Variants in MAML3 observed in about 807,000 individuals in gnomAD.
MAML3 encodes the protein mastermind like transcriptional coactivator 3, also known as mastermind-like protein 3.
A neutral mutation model predicts 101.9 loss-of-function variants in MAML3; 27 were observed. The observed-to-expected ratio is 0.27, with a 90% confidence interval of 0.20 to 0.37. The LOEUF (loss-of-function observed/expected upper bound fraction) is 0.37. MAML3 is among the 10% of genes least tolerant of loss of function. MAML3 has a pLI of 1.00. For missense variants in MAML3, 1,316 were observed against 1,444.9 expected (o/e 0.91, Z 1.45); for synonymous variants, 501 against 555.9 (o/e 0.90, Z 1.39).
At chr4:140,093,423 T>TG (rs1728096330) in intron 1 of MAML3, among the ~76,000 whole-genome samples, 1 of 148,576 alleles carries the variant, frequency 6.7e-6, no homozygotes, top group African/African-American at 2.5e-5. Context: ...TTTGTTTTTT[T>TG]TTTTTTTTTT....
At chr4:140,059,411 A>G (rs554037604) in intron 1 of MAML3, among the ~76,000 whole-genome samples, 1 of 152,284 alleles carries the variant, frequency 6.6e-6, no homozygotes, top group East Asian at 1.9e-4. Flanking sequence ...AGACTTATGG[A>G]TGGAAAAGTT....
intron 1 of MAML3, among the ~76,000 whole-genome samples, chr4:140,022,401 G>A (rs761634737): frequency 1.9e-4 from 29 of 152,174 alleles, no homozygotes; most frequent in Non-Finnish European, 3.5e-4. Flanking sequence ...AAGGGAAATC[G>A]GAAAAAGGAG....
chr4:139,764,442 C>A (rs552497441), intron 2 of MAML3, among the ~76,000 whole-genome samples: 1 of 152,274 alleles, frequency 6.6e-6, no homozygotes, highest in Non-Finnish European at 1.5e-5. Context: ...GACCTTTTCC[C>A]GAATGGCCAT....
intron 1 of MAML3, among the ~76,000 whole-genome samples, chr4:139,991,109 A>G (rs1203705023): frequency 5.3e-5 from 8 of 152,204 alleles, no homozygotes; most frequent in South Asian, 2.1e-4. Flanking sequence ...TCCTAAGCCA[A>G]AAGAACAAAG....
At chr4:139,854,706 G>A (rs1038328248) in intron 2 of MAML3, among the ~76,000 whole-genome samples, 1 of 152,176 alleles carries the variant, frequency 6.6e-6, no homozygotes. Context: ...CCTAAGGGCA[G>A]TCTCACTCCG....
In MAML3 at chr4:139,909,836, C is replaced by CAAAA. The variant is rs11379402; in HGVS notation, c.469-18873_469-18870dup. Among the ~76,000 whole-genome samples the CAAAA allele has an allele frequency of 6.7e-3, 396 of 58,684 alleles. 44 individuals carry two copies. The highest frequency in any genetic ancestry group is 0.02 in the Middle Eastern group (1 of 50). 38.5% of individuals were successfully genotyped at this position (58,684 alleles called of 152,430 possible). ...TGGGCCACAGAGTGCGATGCCGTCT[C>CAAAA]AAAAAAAAAAAAAAAAAAAAAAGAT... On this transcript the variant is annotated intron_variant, in intron 1 of 4. Transcript: ENST00000509479.
chr4:139,787,627 A>T (rs959225698), intron 2 of MAML3, among the ~76,000 whole-genome samples: 1 of 152,144 alleles, frequency 6.6e-6, no homozygotes, highest in African/African-American at 2.4e-5. Flanking sequence ...TTTCTGTATT[A>T]TTTTTTATTT....
intron 1 of MAML3, among the ~76,000 whole-genome samples, chr4:139,927,637 TTATTTA>T (rs1733291796): frequency 6.6e-6 from 1 of 152,228 alleles, no homozygotes; most frequent in Non-Finnish European, 1.5e-5. Context: ...TTAAAATTAT[TTATTTA>T]TATAACTATG....
rs569637267 is a variant in MAML3 at position 139,735,473 on chromosome 4, G to T, written c.2080-4806C>A. ...TAGGGGGGCAGTGGCGACCTCCGGG[G>T]GGGGAGGGTGGCGGACACCAGACCC... is the stretch of plus-strand genomic sequence containing the variant. On this transcript the variant is annotated intron_variant, in intron 2 of 4. Transcript: ENST00000509479. The surrounding 1 kb of genome is among the most constrained non-coding windows in gnomAD (Gnocchi z 5.8). Among the ~76,000 whole-genome samples the T allele has an allele frequency of 2.0e-5, 3 of 151,912 alleles. No individual in the cohort carries two copies. The East Asian group carries it at 5.9e-4, about 30-fold the overall frequency.
intron 2 of MAML3, among the ~76,000 whole-genome samples, chr4:139,840,269 G>A (rs1260898698): frequency 6.6e-6 from 1 of 152,200 alleles, no homozygotes; most frequent in Non-Finnish European, 1.5e-5. Context: ...GTTCATAAGT[G>A]GGATGAGAGC....
intron 1 of MAML3, among the ~76,000 whole-genome samples, chr4:140,063,966 GTTAT>G (rs1033059432): frequency 6.6e-6 from 1 of 152,156 alleles, no homozygotes; most frequent in Non-Finnish European, 1.5e-5. Flanking sequence ...GCTGAAAGAG[GTTAT>G]TTAAGAATGT....
chr4:139,894,326 C>T (rs758919448), intron 1 of MAML3, among the ~76,000 whole-genome samples: 6 of 151,894 alleles, frequency 4.0e-5, no homozygotes, highest in Admixed American at 6.6e-5. Flanking sequence ...CTGGCCAACA[C>T]GGTGAAACCC....
chr4:139,781,589 C>T (rs1200048108), intron 2 of MAML3, among the ~76,000 whole-genome samples: 1 of 151,138 alleles, frequency 6.6e-6, no homozygotes, highest in Non-Finnish European at 1.5e-5. Flanking sequence ...TGTTCTCCTG[C>T]ATTAGGCAGG....
intron 2 of MAML3, among the ~76,000 whole-genome samples, chr4:139,837,520 C>T (rs1049321646): frequency 8.6e-5 from 13 of 151,648 alleles, no homozygotes; most frequent in Non-Finnish European, 1.8e-4. Context: ...AACAAACACA[C>T]AAACAAACAA....
At chr4:140,074,219 A>AGAGAGAGAG (rs1560885544) in intron 1 of MAML3, among the ~76,000 whole-genome samples, 1 of 57,226 alleles carries the variant, frequency 1.7e-5, no homozygotes, top group Non-Finnish European at 5.0e-5. Context: ...GAAAGAAAGA[A>AGAGAGAGAG]AGAAAGAAAG....
In MAML3 at chr4:139,884,556, C is replaced by G. The variant is rs1162083941; in HGVS notation, c.2079+4801G>C. Among the ~76,000 whole-genome samples, 7 of 152,174 alleles carry G rather than the reference C, an allele frequency of 4.6e-5. No individual in the cohort carries two copies. The East Asian group carries it at 1.3e-3, about 29-fold the overall frequency. ...CTTGGGCTCTGGGCTGGCCTGTGAC[C>G]GTCCTTGACCAGCAAGTGGTCTCTG... On this transcript the variant is annotated intron_variant, in intron 2 of 4. Transcript: ENST00000509479.
At chr4:139,760,021 T>G (rs1475963027) in intron 2 of MAML3, among the ~76,000 whole-genome samples, 6 of 152,250 alleles carry the variant, frequency 3.9e-5, no homozygotes, top group Non-Finnish European at 8.8e-5. Context: ...CAACACGGTA[T>G]TTGGCAAACT....
At chr4:139,971,337 T>A (rs1734231898) in intron 1 of MAML3, among the ~76,000 whole-genome samples, 1 of 152,220 alleles carries the variant, frequency 6.6e-6, no homozygotes, top group Non-Finnish European at 1.5e-5. Context: ...ACTCTCTTTA[T>A]CTCCAGCTCC....
At chr4:139,971,377 T>A (rs1734232605) in intron 1 of MAML3, among the ~76,000 whole-genome samples, 1 of 152,232 alleles carries the variant, frequency 6.6e-6, no homozygotes, top group Non-Finnish European at 1.5e-5. Flanking sequence ...TCAACTTCCC[T>A]CAAATTCTTG....
Sources: gnomAD v4.1 joint callset for allele counts (sites outside exome capture counted in the v4.1 genomes callset) on GRCh38, gnomAD v4.1.1 for gene constraint, Gnocchi (gnomAD v3.1) non-coding constraint, MANE v1.5 for transcripts, NCBI Gene and HGNC (gene_info 2026-07-23, HGNC 2026-07-21) for gene names.